The following CDYL variants were observed in gnomAD, a reference collection of about 807,000 sequenced individuals.
CDYL encodes chromodomain Y-like protein.
A neutral mutation model predicts 47.3 loss-of-function variants in CDYL; 8 were observed. That is an observed-to-expected ratio of 0.17 (90% CI 0.10 to 0.31). CDYL has a LOEUF of 0.31. Ranked by LOEUF, CDYL falls within the 10% of genes least tolerant of loss-of-function variation. The pLI is 1.00. For synonymous variants in CDYL, 266 were observed against 265.0 expected (o/e 1.00, Z -0.04); for missense variants, 471 against 701.4 (o/e 0.67, Z 3.71).
chr6:4,946,287 C>T (rs766519493), intron 5 of CDYL, among the ~76,000 whole-genome samples: 1 of 152,198 alleles, frequency 6.6e-6, no homozygotes, highest in African/African-American at 2.4e-5. Context: ...ACCCACCACA[C>T]GCCTCTGTCC....
upstream of CDYL, among the ~76,000 whole-genome samples, chr6:4,776,124 C>T (rs1158927790): frequency 7.3e-5 from 11 of 149,736 alleles, no homozygotes; most frequent in Non-Finnish European, 1.3e-4. Context: ...ACCCCGCAAG[C>T]GGGACTGGGG....
intron 1 of CDYL, among the ~76,000 whole-genome samples, chr6:4,844,471 C>T (rs865813482): frequency 9.2e-5 from 14 of 152,286 alleles, no homozygotes; most frequent in Admixed American, 3.3e-4. Context: ...CTGGTACGTT[C>T]CTGCCGTAGT....
chr6:4,801,924 G>A (rs1759237362), intron 1 of CDYL, among the ~76,000 whole-genome samples: 1 of 152,206 alleles, frequency 6.6e-6, no homozygotes, highest in South Asian at 2.1e-4. Flanking sequence ...CACATATGTA[G>A]TATGTAGTTC....
chr6:4,876,136 TTTG>T (rs1221065828), intron 1 of CDYL, among the ~76,000 whole-genome samples: 3 of 152,064 alleles, frequency 2.0e-5, no homozygotes, highest in Non-Finnish European at 2.9e-5. Context: ...ACCCTTGTTG[TTTG>T]TTGTTGTTGT....
chr6:4,790,837 A>G (rs955762338), intron 1 of CDYL, among the ~76,000 whole-genome samples: 2 of 152,262 alleles, frequency 1.3e-5, no homozygotes, highest in Admixed American at 6.5e-5. Flanking sequence ...ACTGTCATCA[A>G]CGATTTCAAG....
Position 4,895,438 on chromosome 6 carries a change from C to T in CDYL, c.691+3059C>T, listed in dbSNP as rs7748817. ...GTATATATGCATGTATACATGTATA[C>T]GTATATATGCATATATACATGTATA... On this transcript the variant is annotated intron_variant, in intron 2 of 6. Coordinates refer to ENST00000397588, the MANE Select transcript of CDYL (RefSeq NM_004824.4). Among the ~76,000 whole-genome samples the T allele has an allele frequency of 1.0e-3, 4 of 3,944 alleles. 2 individuals are homozygous for T. The highest frequency in any genetic ancestry group is 1.0e-3 in the African/African-American group (4 of 3,866). 2.6% of individuals were successfully genotyped at this position (3,944 alleles called of 152,430 possible). A position where few individuals can be genotyped will look rare whatever the true frequency, so the allele number is the denominator to read the frequency against.
intron 2 of CDYL, among the ~76,000 whole-genome samples, chr6:4,934,132 A>T (rs1056034294): frequency 2.6e-5 from 4 of 152,066 alleles, no homozygotes; most frequent in African/African-American, 9.7e-5. Flanking sequence ...AGGGTGGTGG[A>T]GAAGTCTGTA....
chr6:4,876,927 G>A (rs1293241841), intron 1 of CDYL, among the ~76,000 whole-genome samples: 3 of 152,190 alleles, frequency 2.0e-5, no homozygotes, highest in Non-Finnish European at 2.9e-5. Context: ...CTGGGAGGAG[G>A]TTAGGCCATG....
intron 1 of CDYL, among the ~76,000 whole-genome samples, chr6:4,874,822 C>T (rs930079537): frequency 2.6e-5 from 4 of 152,134 alleles, no homozygotes; most frequent in Non-Finnish European, 5.9e-5. Context: ...ATAGTATGTA[C>T]TTGTTCGTGT....
chr6:4,738,710 A>G (rs1402255818), intron 3 of CDYL, among the ~76,000 whole-genome samples: 1 of 152,204 alleles, frequency 6.6e-6, no homozygotes, highest in Admixed American at 6.5e-5. Context: ...AAAGAGACAA[A>G]TAAAGATGTT....
intron 2 of CDYL, among the ~76,000 whole-genome samples, chr6:4,918,878 C>G (rs1757630608): frequency 6.6e-6 from 1 of 152,082 alleles, no homozygotes. Context: ...GTCCAAATCC[C>G]CTTAAGGATT....
At chr6:4,856,533 C>T (rs1320305679) in intron 1 of CDYL, among the ~76,000 whole-genome samples, 1 of 152,130 alleles carries the variant, frequency 6.6e-6, no homozygotes, top group Non-Finnish European at 1.5e-5. Flanking sequence ...CTGAGGGTGG[C>T]AGGGTAGAAG....
chr6:4,843,469 T>C (rs1300099198), intron 1 of CDYL, among the ~76,000 whole-genome samples: 1 of 151,130 alleles, frequency 6.6e-6, no homozygotes, highest in Non-Finnish European at 1.5e-5. Context: ...TTCTTAGGAT[T>C]GGCCATTTAA....
chr6:4,807,287 TACTG>T (rs1383851418), intron 1 of CDYL, among the ~76,000 whole-genome samples: 1 of 152,234 alleles, frequency 6.6e-6, no homozygotes, highest in Non-Finnish European at 1.5e-5. Flanking sequence ...GTTGTCTAAT[TACTG>T]GTGATATTAA....
At chr6:4,753,005 C>T (rs752082689) in intron 3 of CDYL, among the ~76,000 whole-genome samples, 6 of 152,028 alleles carry the variant, frequency 3.9e-5, no homozygotes, top group Admixed American at 1.3e-4. Context: ...GCAGCCTCAA[C>T]CTCCTGGGCT....
chr6:4,874,429 G>A (rs911253860), intron 1 of CDYL, among the ~76,000 whole-genome samples: 1 of 152,222 alleles, frequency 6.6e-6, no homozygotes, highest in East Asian at 1.9e-4. Flanking sequence ...CTGTTGCTCT[G>A]TGCTCCTCAT....
intron 1 of CDYL, among the ~76,000 whole-genome samples, chr6:4,874,155 A>G (rs1419548002): frequency 2.6e-5 from 4 of 152,038 alleles, no homozygotes; most frequent in Non-Finnish European, 5.9e-5. Context: ...CACTTTGGTG[A>G]GGTTAAACGT....
intron 1 of CDYL, among the ~76,000 whole-genome samples, chr6:4,872,989 G>A (rs752184317): frequency 6.6e-6 from 1 of 152,158 alleles, no homozygotes; most frequent in Non-Finnish European, 1.5e-5. Context: ...ATCTTTTGAG[G>A]TATCTGAAGA....
At chr6:4,899,074 C>T (rs1381430041) in intron 2 of CDYL, among the ~76,000 whole-genome samples, 1 of 152,188 alleles carries the variant, frequency 6.6e-6, no homozygotes, top group Non-Finnish European at 1.5e-5. Flanking sequence ...CTCATTTTCT[C>T]ACACCTGGTT....
Sources: gnomAD v4.1 joint callset for allele counts (sites outside exome capture counted in the v4.1 genomes callset) on GRCh38, gnomAD v4.1.1 for gene constraint, MANE v1.5 for transcripts, NCBI Gene and HGNC (gene_info 2026-07-23, HGNC 2026-07-21) for gene names.